Variants in GPC4 observed in about 807,000 individuals in gnomAD.
GPC4 encodes the protein glypican 4.
A neutral mutation model predicts 35.0 loss-of-function variants in GPC4; 10 were observed. The observed-to-expected ratio is 0.29, with a 90% confidence interval of 0.18 to 0.48. The LOEUF is 0.48. Among genes scored for constraint, GPC4 ranks in the 20% least tolerant of loss-of-function variants. The probability of loss-of-function intolerance (pLI) is 0.99; values close to 1 mark genes in which losing one functional copy is unlikely to be tolerated. For synonymous variants in GPC4, 167 were observed against 170.2 expected (o/e 0.98, Z 0.15); for missense variants, 322 against 451.3 (o/e 0.71, Z 2.60).
At chrX:133,383,386 C>T (rs180760518) in intron 1 of GPC4, among the ~76,000 whole-genome samples, 9 of 111,217 alleles carry the variant, frequency 8.1e-5, no homozygotes, top group Non-Finnish European at 7.5e-5. Flanking sequence ...ACTATAGAGA[C>T]AGTCAAAAAG....
At chrX:133,310,807 C>T (rs1031211618) in intron 4 of GPC4, among the ~76,000 whole-genome samples, 1 of 111,918 alleles carries the variant, frequency 8.9e-6, no homozygotes, top group Admixed American at 9.5e-5. Context: ...TAATCATAAA[C>T]ACAACTGACT....
intron 4 of GPC4, among the ~76,000 whole-genome samples, chrX:133,307,087 A>G (rs1206668032): frequency 1.8e-5 from 2 of 110,650 alleles, no homozygotes; most frequent in African/African-American, 6.8e-5. Context: ...ATTAACGACA[A>G]ACAGTGAACT....
chrX:133,388,548 T>G (rs749109874), intron 1 of GPC4, among the ~76,000 whole-genome samples: 24 of 111,444 alleles, frequency 2.2e-4, no homozygotes, highest in Non-Finnish European at 4.3e-4. Flanking sequence ...CCTTTTTTTT[T>G]TTTTGAAACG....
chrX:133,391,949 T>C (rs181584051), intron 1 of GPC4, among the ~76,000 whole-genome samples: 3 of 111,779 alleles, frequency 2.7e-5, no homozygotes, highest in East Asian at 5.7e-4. Context: ...TCACTTACAA[T>C]AGGTCCAGCA....
chrX:133,304,248 C>T (rs1039485581), intron 7 of GPC4, among the ~76,000 whole-genome samples: 4 of 110,606 alleles, frequency 3.6e-5, no homozygotes, highest in African/African-American at 6.6e-5. Context: ...TGCAGTGAGC[C>T]GAGATTGTGC....
intron 1 of GPC4, among the ~76,000 whole-genome samples, chrX:133,386,374 A>T (rs950679058): frequency 7.1e-5 from 8 of 112,410 alleles, no homozygotes; most frequent in Non-Finnish European, 1.1e-4. Flanking sequence ...ATTATCAGGA[A>T]ACTTTATCTG....
intron 1 of GPC4, among the ~76,000 whole-genome samples, chrX:133,377,414 T>C (rs773348070): frequency 8.9e-6 from 1 of 112,113 alleles, no homozygotes; most frequent in South Asian, 3.7e-4. Flanking sequence ...CCCAAATTAT[T>C]GTCCCATTAC....
intron 1 of GPC4, among the ~76,000 whole-genome samples, chrX:133,394,057 G>C (rs1036153481): frequency 9.0e-6 from 1 of 110,913 alleles, no homozygotes; most frequent in African/African-American, 3.3e-5. Flanking sequence ...GATAACTTGA[G>C]GTCAGGAGTT....
At position 133,301,008 on chromosome X, in the gene GPC4, A is replaced by G. The variant is rs41300203; in HGVS notation, c.*1859T>C. On this transcript the variant is annotated 3_prime_UTR_variant, in exon 9 of 9. Coordinates refer to ENST00000370828, the MANE Select transcript of GPC4 (RefSeq NM_001448.3). ...TTTTATGTCTTCTGATTTGTTTTAA[A>G]AAAAAAACCACTTATACACACCAGC... The G allele has an allele frequency of 0.049, 5,488 of 111,276 alleles. 140 individuals carry two copies. The highest frequency in any genetic ancestry group is 0.077 in the Non-Finnish European group (4,073 of 53,007). The allele number at this position is 111,276 out of a possible 1,213,427, so 9.2% of individuals were successfully genotyped here.
chrX:133,371,336 G>A (rs771845402), intron 1 of GPC4, among the ~76,000 whole-genome samples: 11 of 112,226 alleles, frequency 9.8e-5, no homozygotes, highest in South Asian at 7.3e-4. Context: ...ACTATAAATC[G>A]CTAAGAGGCA....
At chrX:133,309,131 G>A (rs1355367986) in intron 4 of GPC4, among the ~76,000 whole-genome samples, 1 of 111,718 alleles carries the variant, frequency 9.0e-6, no homozygotes, top group South Asian at 3.7e-4. Context: ...GATTAACAAT[G>A]TCTATTACTC....
chrX:133,348,363 C>T (rs1214726073), intron 1 of GPC4, among the ~76,000 whole-genome samples: 2 of 112,366 alleles, frequency 1.8e-5, no homozygotes, highest in Non-Finnish European at 3.8e-5. Flanking sequence ...ACATTTACAA[C>T]CACTACCTCC....
At chrX:133,376,469 T>C (rs959123626) in intron 1 of GPC4, among the ~76,000 whole-genome samples, 1 of 112,690 alleles carries the variant, frequency 8.9e-6, no homozygotes, top group African/African-American at 3.2e-5. Context: ...GATATAAGCA[T>C]TCCTACCTCC....
chrX:133,386,151 C>T (rs192944213), intron 1 of GPC4, among the ~76,000 whole-genome samples: 4 of 107,223 alleles, frequency 3.7e-5, no homozygotes, highest in African/African-American at 1.4e-4. Flanking sequence ...GGGAGGATCG[C>T]TTGAGCCAAG....
intron 1 of GPC4, among the ~76,000 whole-genome samples, chrX:133,407,091 C>T (rs866706596): frequency 3.8e-5 from 4 of 104,810 alleles, no homozygotes; most frequent in African/African-American, 1.4e-4. Context: ...AAAAAAAATA[C>T]ACACACACAC....
chrX:133,354,277 G>A (rs1036657224), intron 1 of GPC4, among the ~76,000 whole-genome samples: 4 of 112,152 alleles, frequency 3.6e-5, no homozygotes, highest in African/African-American at 1.3e-4. Flanking sequence ...TAAGCTCCTA[G>A]TTTTTCCTGA....
chrX:133,402,899 G>A (rs1362445932), intron 1 of GPC4, among the ~76,000 whole-genome samples: 3 of 82,987 alleles, frequency 3.6e-5, no homozygotes, highest in African/African-American at 5.2e-5. Context: ...GTGAAACTAC[G>A]TCTCAAAAGG....
At chrX:133,413,903 T>A (rs919960199) in intron 1 of GPC4, among the ~76,000 whole-genome samples, 1 of 110,065 alleles carries the variant, frequency 9.1e-6, no homozygotes, top group Non-Finnish European at 1.9e-5. Context: ...AATACCCCCA[T>A]ACACCCCCCA....
At chrX:133,390,491 T>C (rs774818842) in intron 1 of GPC4, among the ~76,000 whole-genome samples, 4 of 111,568 alleles carry the variant, frequency 3.6e-5, no homozygotes, top group African/African-American at 1.3e-4. Context: ...CTTAACGCTA[T>C]AGTTCCAAAG....
Sources: gnomAD v4.1 joint callset for allele counts (sites outside exome capture counted in the v4.1 genomes callset) on GRCh38, gnomAD v4.1.1 for gene constraint, MANE v1.5 for transcripts, NCBI Gene and HGNC (gene_info 2026-07-23, HGNC 2026-07-21) for gene names.